The following ILDR2 variants were observed in gnomAD, a reference collection of about 807,000 sequenced individuals.
The protein encoded by ILDR2 is immunoglobulin-like domain-containing receptor 2.
ILDR2 carries 25 observed loss-of-function variants against 66.8 expected under a neutral mutation model. The ratio of observed to expected loss-of-function variants is 0.37; its 90% CI spans 0.27 to 0.52. The LOEUF (loss-of-function observed/expected upper bound fraction) is 0.52, where lower values mean the gene tolerates loss of function less well. Among genes scored for constraint, ILDR2 ranks in the 20% least tolerant of loss-of-function variants. The probability of loss-of-function intolerance (pLI) is 0.88; values close to 1 mark genes in which losing one functional copy is unlikely to be tolerated. For synonymous variants in ILDR2, 367 were observed against 357.2 expected (o/e 1.03, Z -0.31); for missense variants, 827 against 876.8 (o/e 0.94, Z 0.72).
rs899839780 is a variant in ILDR2 at position 166,912,334 on chromosome 1, C to A, written c.*7021G>T. 6.6e-6 allele frequency: 1 copy of A among 151,846 alleles called. No individual in the cohort carries two copies. Among genetic ancestry groups the A allele is most frequent in the African/African-American group, 2.4e-5 (1 of 41,334 alleles). 9.4% of individuals were successfully genotyped at this position (151,846 alleles called of 1,614,324 possible). A position where few individuals can be genotyped will look rare whatever the true frequency, so the allele number is the denominator to read the frequency against. On this transcript the variant is annotated 3_prime_UTR_variant, in exon 10 of 10. Coordinates refer to ENST00000271417, the MANE Select transcript of ILDR2 (RefSeq NM_199351.3). ...TCAACAAAGACTGATGAGTATCCTACCAACAAATCATTACTGAAGTAAACT... is the reference window on the plus strand; with the variant it reads ...TCAACAAAGACTGATGAGTATCCTAACAACAAATCATTACTGAAGTAAACT...
chr1:166,905,007 A>G (rs549835323), downstream of ILDR2, among the ~76,000 whole-genome samples: 2 of 152,356 alleles, frequency 1.3e-5, no homozygotes, highest in South Asian at 4.1e-4. Flanking sequence ...CTCAGAAAGG[A>G]GACTTTTAAA....
chr1:166,904,864 C>T (rs930079330), downstream of ILDR2, among the ~76,000 whole-genome samples: 4 of 152,148 alleles, frequency 2.6e-5, no homozygotes, highest in South Asian at 8.3e-4. Context: ...CTTCCAAAAC[C>T]CCACTTCACT....
chr1:166,974,212 A>G (rs1042460861), intron 1 of ILDR2, among the ~76,000 whole-genome samples: 17 of 151,092 alleles, frequency 1.1e-4, no homozygotes, highest in Non-Finnish European at 2.2e-4. Context: ...CCCTTTTTCC[A>G]TTTCTTCCAT....
At chr1:166,949,311 T>C (rs1303776233) in intron 3 of ILDR2, among the ~76,000 whole-genome samples, 1 of 152,272 alleles carries the variant, frequency 6.6e-6, no homozygotes, top group South Asian at 2.1e-4. Flanking sequence ...ATCAATGGCC[T>C]ACATATTTAA....
intron 3 of ILDR2, among the ~76,000 whole-genome samples, chr1:166,951,370 T>C (rs1661968340): frequency 6.6e-6 from 1 of 152,188 alleles, no homozygotes; most frequent in Admixed American, 6.5e-5. Context: ...GAGACAGAGA[T>C]TCTTTAACAC....
At chr1:166,896,543 CAGATAT>C (rs1259660790) in intron 2 of ILDR2, among the ~76,000 whole-genome samples, 5 of 69,594 alleles carry the variant, frequency 7.2e-5, no homozygotes, top group Middle Eastern at 8.6e-3. Flanking sequence ...AAAATGGAAA[CAGATAT>C]ATATATATAT....
intron 1 of ILDR2, among the ~76,000 whole-genome samples, chr1:166,965,010 T>A (rs1164338087): frequency 6.6e-6 from 1 of 152,150 alleles, no homozygotes; most frequent in East Asian, 1.9e-4. Context: ...CTGCTAAAGG[T>A]CATGGAAAAT....
At chr1:166,920,505 T>A (rs1310302409) in intron 9 of ILDR2, among the ~76,000 whole-genome samples, 3 of 152,190 alleles carry the variant, frequency 2.0e-5, no homozygotes, top group Non-Finnish European at 2.9e-5. Context: ...CCTTCCTTCA[T>A]CTGGCCTTGG....
At chr1:166,932,122 A>T (rs1157954770) in intron 6 of ILDR2, among the ~76,000 whole-genome samples, 1 of 152,270 alleles carries the variant, frequency 6.6e-6, no homozygotes, top group Non-Finnish European at 1.5e-5. Flanking sequence ...ATACACAGAG[A>T]TAGGTAAGAA....
intron 4 of ILDR2, among the ~76,000 whole-genome samples, chr1:166,938,329 A>G (rs1661107344): frequency 6.6e-6 from 1 of 152,248 alleles, no homozygotes; most frequent in African/African-American, 2.4e-5. Context: ...AAAGAATATT[A>G]TCTGTGAAAG....
chr1:166,962,034 C>T (rs573260129), intron 1 of ILDR2, among the ~76,000 whole-genome samples: 5 of 152,258 alleles, frequency 3.3e-5, no homozygotes, highest in Admixed American at 3.3e-4. Flanking sequence ...ACTAGAATTC[C>T]AAGTAAATGT....
intron 1 of ILDR2, among the ~76,000 whole-genome samples, chr1:166,969,727 T>C (rs1259481249): frequency 1.3e-5 from 2 of 152,258 alleles, no homozygotes; most frequent in African/African-American, 2.4e-5. Flanking sequence ...ATAGACACCA[T>C]GTATGTTCAC....
chr1:166,942,144 A>G (rs575964601), intron 3 of ILDR2, among the ~76,000 whole-genome samples: 1 of 152,346 alleles, frequency 6.6e-6, no homozygotes, highest in African/African-American at 2.4e-5. Context: ...TTTGTCTAGG[A>G]CAGTTGTGGA....
chr1:166,907,806 A>G (rs1439582114), downstream of ILDR2, among the ~76,000 whole-genome samples: 14 of 152,218 alleles, frequency 9.2e-5, no homozygotes, highest in Admixed American at 9.2e-4. Flanking sequence ...AAAGGCTACA[A>G]ATTAAATGGG....
rs778524690 is a variant in ILDR2, at chr1:166,927,061, G to T, written c.994+6C>A. On this transcript the variant is annotated splice_donor_region_variant and intron_variant, in intron 7 of 9. Transcript: ENST00000271417. ...CACAGATCACAGAAAACTAACAGAT[G>T]CTCACATCTGCCTCTCATCCTTCTG... is the stretch of plus-strand genomic sequence containing the variant. The T allele has an allele frequency of 2.5e-6, 4 of 1,586,294 alleles. No homozygotes were observed. The highest frequency in any genetic ancestry group is 3.5e-6 in the Non-Finnish European group (4 of 1,157,458).
chr1:166,902,322 C>T (rs990662361), intron 2 of ILDR2, among the ~76,000 whole-genome samples: 4 of 152,258 alleles, frequency 2.6e-5, no homozygotes, highest in African/African-American at 9.6e-5. Context: ...AACCCTTCTT[C>T]CTGTCCTTCC....
chr1:166,908,923 T>A lies in ILDR2; in HGVS notation c.*10432A>T, dbSNP rs562061530. ...TTGTTCAGGGCTCTGTGGCTGCAGATAAAGAATCTTTTCGGATGCAGTAGC... is the reference window on the plus strand; with the variant it reads ...TTGTTCAGGGCTCTGTGGCTGCAGAAAAAGAATCTTTTCGGATGCAGTAGC... On this transcript the variant is annotated 3_prime_UTR_variant, in exon 10 of 10. Coordinates refer to ENST00000271417, the MANE Select transcript of ILDR2 (RefSeq NM_199351.3). The A allele has an allele frequency of 6.6e-6, 1 of 152,250 alleles. No homozygotes were observed. Among genetic ancestry groups the A allele is most frequent in the Non-Finnish European group, 1.5e-5 (1 of 68,074 alleles). The allele number at this position is 152,250 out of a possible 1,614,324, so 9.4% of individuals were successfully genotyped here. A position where few individuals can be genotyped will look rare whatever the true frequency, so the allele number is the denominator to read the frequency against.
intron 7 of ILDR2, among the ~76,000 whole-genome samples, chr1:166,924,877 A>T (rs1211922357): frequency 1.3e-5 from 2 of 152,050 alleles, no homozygotes; most frequent in Non-Finnish European, 2.9e-5. Flanking sequence ...TTAGTTGTGC[A>T]TGGTGGCACA....
At chr1:166,902,292 C>A (rs980733984) in intron 2 of ILDR2, among the ~76,000 whole-genome samples, 1 of 152,220 alleles carries the variant, frequency 6.6e-6, no homozygotes, top group Non-Finnish European at 1.5e-5. Context: ...AGCTAAAGTG[C>A]ATAACATAAA....
Sources: allele counts gnomAD v4.1 joint callset (sites outside exome capture counted in the v4.1 genomes callset), GRCh38; gene constraint gnomAD v4.1.1; transcripts MANE v1.5; gene names NCBI Gene and HGNC (gene_info 2026-07-23, HGNC 2026-07-21).